MLPH: variants seen among roughly 807,000 people sequenced by gnomAD.
The protein encoded by MLPH is melanophilin.
MLPH carries 51 observed loss-of-function variants against 72.1 expected under a neutral mutation model. That is an observed-to-expected ratio of 0.71 (90% confidence interval 0.56 to 0.89). The LOEUF (loss-of-function observed/expected upper bound fraction) is 0.89. MLPH is among the 40% of genes least tolerant of loss of function. MLPH has a pLI of 0.00. For synonymous variants in MLPH, 301 were observed against 310.1 expected, an observed-to-expected ratio of 0.97 and a Z score of 0.31; for missense variants, 743 against 759.9, an observed-to-expected ratio of 0.98 and a Z score of 0.26.
intron 1 of MLPH, among the ~76,000 whole-genome samples, chr2:237,490,272 T>A (rs1304760293): frequency 3.3e-5 from 5 of 151,462 alleles, no homozygotes; most frequent in Non-Finnish European, 4.4e-5. Flanking sequence ...GAGGCAGCAG[T>A]GAGCCATGAT....
chr2:237,537,296 G>A (rs2080553203), intron 9 of MLPH, among the ~76,000 whole-genome samples: 1 of 152,202 alleles, frequency 6.6e-6, no homozygotes, highest in Non-Finnish European at 1.5e-5. Flanking sequence ...GTGTGTGTGT[G>A]AATTTATTTA....
chr2:237,548,607 A>G (rs978688207), intron 13 of MLPH, among the ~76,000 whole-genome samples: 2 of 152,116 alleles, frequency 1.3e-5, no homozygotes, highest in Non-Finnish European at 2.9e-5. Flanking sequence ...AGTGGCTCAC[A>G]CCTGTAATCC....
At chr2:237,521,138 T>C (rs1165706503) in intron 6 of MLPH, among the ~76,000 whole-genome samples, 1 of 152,148 alleles carries the variant, frequency 6.6e-6, no homozygotes, top group Non-Finnish European at 1.5e-5. Flanking sequence ...TTGAGTTAAT[T>C]AGGAAGGGGT....
In MLPH at chr2:237,550,801, G is replaced by A. The variant is rs544406311; in HGVS notation, c.1675+1523G>A. On this transcript the variant is annotated intron_variant, in intron 14 of 15. Coordinates refer to ENST00000264605, the MANE Select transcript of MLPH (RefSeq NM_024101.7). Reference sequence around the variant, plus strand: ...TGACGTCAGATGATCCATCCACCTCGGCCTCCCAAAGTGCTGGGATTACAG... The same window carrying A: ...TGACGTCAGATGATCCATCCACCTCAGCCTCCCAAAGTGCTGGGATTACAG... Among the ~76,000 whole-genome samples the A allele has an allele frequency of 3.0e-4, 45 of 152,218 alleles. No homozygotes were observed. In the South Asian group the frequency reaches 9.4e-3, roughly 32 times the overall value.
chr2:237,507,804 T>C (rs1156734897), intron 2 of MLPH, among the ~76,000 whole-genome samples: 1 of 152,238 alleles, frequency 6.6e-6, no homozygotes, highest in East Asian at 1.9e-4. Context: ...TCGCACTTTG[T>C]TCATTTTTGA....
chr2:237,552,500 T>G (rs991888166), intron 15 of MLPH, 63 bp downstream of exon 15: 2 of 1,401,742 alleles, frequency 1.4e-6, no homozygotes. Flanking sequence ...GATTTATGTA[T>G]TAAAATTAAG....
intron 13 of MLPH, among the ~76,000 whole-genome samples, chr2:237,547,057 C>T (rs2080935449): frequency 6.6e-6 from 1 of 152,240 alleles, no homozygotes; most frequent in African/African-American, 2.4e-5. Flanking sequence ...CAGTTAATTC[C>T]GCGTAGGAGC....
In MLPH at chr2:237,510,761, C is replaced by G; in HGVS notation, c.298C>G (p.Gln100Glu). ...CTGTGGCCGCGTCCACCCGGAGGAGCAGGGCTGGATCTGTGACCCCTGCCA... is the reference window on the plus strand; with the variant it reads ...CTGTGGCCGCGTCCACCCGGAGGAGGAGGGCTGGATCTGTGACCCCTGCCA... ...KSCGRVHPEE[Q>E]GWICDPCHLA... The change falls in exon 3 of 16, where the codon CAG becomes GAG. Residue 100 changes from glutamine to glutamate, a missense_variant. By Grantham distance (29) the Gln-to-Glu change is conservative (BLOSUM62 2). Coordinates refer to ENST00000264605, the MANE Select transcript of MLPH (RefSeq NM_024101.7). The surrounding 1 kb of genome is among the most constrained non-coding windows in gnomAD (Gnocchi z 4.4). 6.2e-7 allele frequency: 1 copy of G among 1,613,634 alleles called. No homozygotes were observed. Among genetic ancestry groups the G allele is most frequent in the Non-Finnish European group, 8.5e-7 (1 of 1,180,036 alleles).
At chr2:237,522,875 C>T (rs925609532) in intron 6 of MLPH, among the ~76,000 whole-genome samples, 11 of 152,154 alleles carry the variant, frequency 7.2e-5, no homozygotes, top group Admixed American at 5.2e-4. Context: ...ATCACCGATG[C>T]GGTTGTACTG....
chr2:237,502,266 T>C, intron 2 of MLPH, among the ~76,000 whole-genome samples: 1 of 152,172 alleles, frequency 6.6e-6, no homozygotes, highest in East Asian at 1.9e-4. Context: ...AAATACAAAG[T>C]AGGGCCAAAG....
intron 13 of MLPH, among the ~76,000 whole-genome samples, chr2:237,547,334 CCG>C (rs1409269629): frequency 7.9e-5 from 12 of 151,002 alleles, no homozygotes; most frequent in Admixed American, 2.0e-4. Flanking sequence ...GAGGAGCTCC[CCG>C]TGTTTAGGTG....
intron 9 of MLPH, 56 bp from the exon 10 acceptor site, chr2:237,540,292 A>T: frequency 2.5e-6 from 4 of 1,597,986 alleles, no homozygotes; most frequent in Non-Finnish European, 2.6e-6. Context: ...CCAGCCCTGG[A>T]GCTCCATGGC....
intron 14 of MLPH, chr2:237,551,974 T>G: frequency 5.2e-6 from 1 of 193,528 alleles, no homozygotes; most frequent in Non-Finnish European, 9.7e-6. Flanking sequence ...CAAGACTTTG[T>G]CTCAAAAAAA....
chr2:237,518,526 G>T lies in MLPH; in HGVS notation c.446-13G>T, dbSNP rs755226628. The T allele has an allele frequency of 8.7e-6, 14 of 1,603,318 alleles. No individual in the cohort carries two copies. Among genetic ancestry groups the T allele is most frequent in the Non-Finnish European group, 1.2e-5 (14 of 1,172,390 alleles). ...TTTGTCCTTGGGTGGAGTCATGCAGGTATCTATTGCAGCTGGGCCTGAACT... is the reference window on the plus strand; with the variant it reads ...TTTGTCCTTGGGTGGAGTCATGCAGTTATCTATTGCAGCTGGGCCTGAACT... On this transcript the variant is annotated splice_polypyrimidine_tract_variant and intron_variant, in intron 4 of 15. Transcript: ENST00000264605.
chr2:237,534,744 G>A, intron 9 of MLPH, 97 bp downstream of exon 9: 1 of 1,045,918 alleles, frequency 9.6e-7, no homozygotes, highest in Non-Finnish European at 1.5e-6. Context: ...AGAGTTTCTT[G>A]AGATTTTGCT....
At chr2:237,504,438 G>A (rs1241092875) in intron 2 of MLPH, among the ~76,000 whole-genome samples, 4 of 152,014 alleles carry the variant, frequency 2.6e-5, no homozygotes, top group Non-Finnish European at 5.9e-5. Flanking sequence ...GGCTGGTCTC[G>A]AACTCCTGAC....
intron 4 of MLPH, among the ~76,000 whole-genome samples, chr2:237,515,083 C>G (rs2079985688): frequency 6.6e-6 from 1 of 152,188 alleles, no homozygotes; most frequent in Admixed American, 6.5e-5. Context: ...TACAATGAGA[C>G]TTAATTTTCC....
intron 2 of MLPH, among the ~76,000 whole-genome samples, chr2:237,501,709 C>T (rs2079655135): frequency 6.8e-6 from 1 of 146,892 alleles, no homozygotes; most frequent in Admixed American, 6.9e-5. Flanking sequence ...ATTAGCCAGG[C>T]ATGGTGGCAG....
At chr2:237,495,314 T>C (rs2079513289) in intron 2 of MLPH, among the ~76,000 whole-genome samples, 1 of 152,246 alleles carries the variant, frequency 6.6e-6, no homozygotes, top group African/African-American at 2.4e-5. Context: ...CCTTTTGCTA[T>C]GTGAGGTGAC....
Sources: gnomAD v4.1 joint callset for allele counts (sites outside exome capture counted in the v4.1 genomes callset) on GRCh38, gnomAD v4.1.1 for gene constraint, Gnocchi (gnomAD v3.1) non-coding constraint, MANE v1.5 for transcripts, NCBI Gene and HGNC (gene_info 2026-07-23, HGNC 2026-07-21) for gene names.